Variants in SCFD2 observed in about 807,000 individuals in gnomAD.
SCFD2 encodes the protein sec1 family domain-containing protein 2.
SCFD2 carries 54 observed loss-of-function variants against 58.9 expected under a neutral mutation model. The observed-to-expected ratio is 0.92, with a 90% confidence interval of 0.74 to 1.15. The LOEUF is 1.15. Ranked by LOEUF, SCFD2 falls within the 50% of genes most tolerant of loss-of-function variation. The pLI, the probability that SCFD2 is intolerant of heterozygous loss-of-function variation, is 0.00. For missense variants in SCFD2, 805 were observed against 836.6 expected, an observed-to-expected ratio of 0.96 and a Z score of 0.47; for synonymous variants, 321 against 335.9, an observed-to-expected ratio of 0.96 and a Z score of 0.49.
At chr4:53,000,834 G>A (rs1293297146) in intron 5 of SCFD2, among the ~76,000 whole-genome samples, 12 of 152,130 alleles carry the variant, frequency 7.9e-5, no homozygotes, top group Non-Finnish European at 1.2e-4. Context: ...GAGCTCAGGC[G>A]GTGAAAAAGG....
At chr4:53,191,490 T>A (rs1478694029) in intron 4 of SCFD2, among the ~76,000 whole-genome samples, 1 of 152,022 alleles carries the variant, frequency 6.6e-6, no homozygotes, top group Non-Finnish European at 1.5e-5. Flanking sequence ...CACTGCAACC[T>A]CTGCCACCCC....
intron 5 of SCFD2, among the ~76,000 whole-genome samples, chr4:53,100,431 G>C (rs1020972293): frequency 6.6e-5 from 10 of 152,258 alleles, no homozygotes; most frequent in African/African-American, 2.4e-4. Context: ...ACATGCATGT[G>C]TGCATATGTG....
At chr4:53,296,075 C>G (rs1224241007) in intron 3 of SCFD2, among the ~76,000 whole-genome samples, 1 of 152,164 alleles carries the variant, frequency 6.6e-6, no homozygotes, top group Non-Finnish European at 1.5e-5. Flanking sequence ...CAATGTTCAT[C>G]AGGTATATTG....
Position 52,873,838 on chromosome 4 carries a change from C to T in SCFD2, c.*131G>A, listed in dbSNP as rs1365361491. 1.2e-5 allele frequency: 8 copies of T among 657,952 alleles called. No homozygotes were observed. Among genetic ancestry groups the T allele is most frequent in the Non-Finnish European group, 2.2e-5 (8 of 360,874 alleles). 40.8% of individuals were successfully genotyped at this position (657,952 alleles called of 1,614,324 possible). ...TACCTCACTGAGTAGGTATCAAGAC[C>T]CTTCAGGCAGAATTCCATCATTCTC... On this transcript the variant is annotated 3_prime_UTR_variant, in exon 9 of 9. Coordinates refer to ENST00000401642, the MANE Select transcript of SCFD2 (RefSeq NM_152540.4).
intron 6 of SCFD2, among the ~76,000 whole-genome samples, chr4:52,915,117 A>G (rs543212790): frequency 3.3e-5 from 5 of 152,366 alleles, no homozygotes; most frequent in Non-Finnish European, 7.3e-5. Flanking sequence ...AGTTCCTGAC[A>G]TAATATATAG....
intron 5 of SCFD2, among the ~76,000 whole-genome samples, chr4:53,026,367 C>A (rs763794201): frequency 1.3e-5 from 2 of 152,188 alleles, no homozygotes; most frequent in South Asian, 4.1e-4. Flanking sequence ...GTGCTTCCGA[C>A]GCCTAGCACA....
rs185624860 is a variant in SCFD2 at position 53,154,811 on chromosome 4, G to C, written c.1312-9229C>G. Among the ~76,000 whole-genome samples, 8 of 151,576 alleles carry C rather than the reference G, an allele frequency of 5.3e-5. No individual in the cohort carries two copies. In the South Asian group the frequency reaches 1.7e-3, roughly 32 times the overall value. On this transcript the variant is annotated intron_variant, in intron 4 of 8. Coordinates refer to ENST00000401642, the MANE Select transcript of SCFD2 (RefSeq NM_152540.4). The stretch of plus-strand genomic sequence containing the variant: ...CTAATCATATGAGTGCTTAAAAATA[G>C]AGGACTTTTCCTGGCTGTGCTGAGA...
intron 7 of SCFD2, among the ~76,000 whole-genome samples, chr4:52,893,880 T>C (rs980850321): frequency 6.6e-6 from 1 of 152,232 alleles, no homozygotes; most frequent in African/African-American, 2.4e-5. Flanking sequence ...TCTCAATCCT[T>C]ACTGAGGCCT....
chr4:53,283,988 G>A (rs1443517536), intron 3 of SCFD2, among the ~76,000 whole-genome samples: 7 of 151,400 alleles, frequency 4.6e-5, no homozygotes, highest in Admixed American at 1.3e-4. Context: ...GCGTGGTGGC[G>A]GGCGCCTGTA....
At chr4:53,252,959 A>G (rs1020487981) in intron 4 of SCFD2, among the ~76,000 whole-genome samples, 4 of 152,166 alleles carry the variant, frequency 2.6e-5, no homozygotes, top group African/African-American at 7.2e-5. Flanking sequence ...GCAGCCTACA[A>G]AATGGGAGAA....
intron 2 of SCFD2, among the ~76,000 whole-genome samples, chr4:53,322,607 C>T (rs1215376657): frequency 6.6e-6 from 1 of 152,120 alleles, no homozygotes; most frequent in African/African-American, 2.4e-5. Flanking sequence ...TCTTAGAAAA[C>T]AGTAAAGCAT....
At chr4:53,185,280 C>A (rs886431519) in intron 4 of SCFD2, among the ~76,000 whole-genome samples, 1 of 152,000 alleles carries the variant, frequency 6.6e-6, no homozygotes, top group African/African-American at 2.4e-5. Flanking sequence ...CAATTTTAAT[C>A]GAAAATAATA....
At chr4:53,082,576 G>A (rs1289505924) in intron 5 of SCFD2, among the ~76,000 whole-genome samples, 1 of 152,106 alleles carries the variant, frequency 6.6e-6, no homozygotes, top group Non-Finnish European at 1.5e-5. Context: ...TTATTTTTAT[G>A]TTTGTCTGTG....
chr4:53,320,157 A>T (rs1238519045), intron 2 of SCFD2, among the ~76,000 whole-genome samples: 1 of 152,254 alleles, frequency 6.6e-6, no homozygotes, highest in Non-Finnish European at 1.5e-5. Context: ...ATGAGATAAA[A>T]CAGTTTACCC....
At chr4:53,328,617 G>C (rs1481049872) in intron 2 of SCFD2, among the ~76,000 whole-genome samples, 6 of 152,086 alleles carry the variant, frequency 3.9e-5, no homozygotes, top group African/African-American at 1.4e-4. Context: ...TACATGCGGA[G>C]AACAGACAGC....
intron 4 of SCFD2, among the ~76,000 whole-genome samples, chr4:53,255,983 T>G (rs1310335545): frequency 7.5e-6 from 1 of 134,070 alleles, no homozygotes; most frequent in Non-Finnish European, 1.6e-5. Flanking sequence ...CCCCCCCACC[T>G]CCCTCCCAGA....
intron 4 of SCFD2, among the ~76,000 whole-genome samples, chr4:53,191,195 G>A (rs1306560028): frequency 8.6e-5 from 13 of 151,782 alleles, no homozygotes; most frequent in African/African-American, 2.2e-4. Flanking sequence ...CTAAAAATAC[G>A]AAAAATTAGC....
At chr4:53,347,988 G>A (rs962723577) in intron 2 of SCFD2, among the ~76,000 whole-genome samples, 24 of 152,230 alleles carry the variant, frequency 1.6e-4, no homozygotes, top group African/African-American at 4.6e-4. Flanking sequence ...AGATAGTGGA[G>A]CCAGGCGGGG....
chr4:53,053,827 G>A (rs1168763699), intron 5 of SCFD2, among the ~76,000 whole-genome samples: 2 of 152,066 alleles, frequency 1.3e-5, no homozygotes, highest in Non-Finnish European at 2.9e-5. Context: ...CATAGTAGAT[G>A]TATATATTTT....
Sources: allele counts gnomAD v4.1 joint callset (sites outside exome capture counted in the v4.1 genomes callset), GRCh38; gene constraint gnomAD v4.1.1; transcripts MANE v1.5; gene names NCBI Gene and HGNC (gene_info 2026-07-23, HGNC 2026-07-21).